Variants in EVC2 observed in about 807,000 individuals in gnomAD.
EVC2 encodes limbin.
EVC2 carries 148 observed loss-of-function variants against 149.3 expected under a neutral mutation model. That is an observed-to-expected ratio of 0.99 (90% CI 0.87 to 1.14). The LOEUF (loss-of-function observed/expected upper bound fraction) is 1.14, where lower values mean the gene tolerates loss of function less well. Among genes scored for constraint, EVC2 ranks in the 50% most tolerant of loss-of-function variants. The probability of loss-of-function intolerance (pLI) is 0.00; values close to 1 mark genes in which losing one functional copy is unlikely to be tolerated. For missense variants in EVC2, 1,854 were observed against 1,627.3 expected (o/e 1.14, Z -2.40); for synonymous variants, 776 against 649.9 (o/e 1.19, Z -2.95).
chr4:5,691,169 T>A, intron 4 of EVC2, 96 bp downstream of exon 4: 5 of 1,114,152 alleles, frequency 4.5e-6, no homozygotes, highest in East Asian at 4.7e-5. Flanking sequence ...GGTAAGCCCA[T>A]GATTTATCAG....
At chr4:5,555,943 G>T (rs1382410142) in intron 21 of EVC2, among the ~76,000 whole-genome samples, 1 of 152,082 alleles carries the variant, frequency 6.6e-6, no homozygotes, top group Non-Finnish European at 1.5e-5. Flanking sequence ...ACTTTGGGAG[G>T]CTGAGGCAGG....
intron 12 of EVC2, among the ~76,000 whole-genome samples, chr4:5,627,433 G>A (rs1716193189): frequency 1.3e-5 from 2 of 152,144 alleles, no homozygotes; most frequent in Admixed American, 6.5e-5. Flanking sequence ...AAATTCATTA[G>A]CATATTTAGG....
chr4:5,606,953 A>AG (rs1714440496), intron 16 of EVC2, among the ~76,000 whole-genome samples: 1 of 152,226 alleles, frequency 6.6e-6, no homozygotes, highest in Non-Finnish European at 1.5e-5. Flanking sequence ...CAGACTCTGG[A>AG]GCCAGCAGTC....
At chr4:5,584,328 T>G (rs1180582069) in intron 17 of EVC2, among the ~76,000 whole-genome samples, 1 of 152,176 alleles carries the variant, frequency 6.6e-6, no homozygotes. Flanking sequence ...GAAGATACAC[T>G]GTTGTCCTCC....
chr4:5,621,644 G>A (rs1715697400), intron 14 of EVC2, among the ~76,000 whole-genome samples: 2 of 152,186 alleles, frequency 1.3e-5, no homozygotes, highest in South Asian at 2.1e-4. Context: ...ACAAAGAGCT[G>A]GCAAATGTTT....
At chr4:5,668,220 AT>A (rs780297093) in intron 7 of EVC2, among the ~76,000 whole-genome samples, 1 of 152,148 alleles carries the variant, frequency 6.6e-6, no homozygotes, top group African/African-American at 2.4e-5. Context: ...TCAAGGTTAC[AT>A]TTTTTCTGAC....
chr4:5,560,032 G>C (rs949559311), downstream of EVC2, among the ~76,000 whole-genome samples: 6 of 151,896 alleles, frequency 4.0e-5, no homozygotes, highest in South Asian at 1.2e-3. The surrounding 1 kb of genome is among the most constrained non-coding windows in gnomAD (Gnocchi z 4.1). Flanking sequence ...CAGGATTTTC[G>C]TATGTGCGTC....
At chr4:5,545,502 A>G (rs1032812287) in intron 21 of EVC2, among the ~76,000 whole-genome samples, 4 of 152,200 alleles carry the variant, frequency 2.6e-5, no homozygotes, top group African/African-American at 9.7e-5. Flanking sequence ...ATTACTCAAA[A>G]CACAGAGTTA....
At chr4:5,566,688 C>T (rs1005347203) in intron 20 of EVC2, among the ~76,000 whole-genome samples, 46 of 152,280 alleles carry the variant, frequency 3.0e-4, no homozygotes, top group African/African-American at 1.1e-3. Context: ...CAAAGAAAGG[C>T]CATGCTCATG....
Position 5,641,000 on chromosome 4 carries a change from G to A in EVC2, c.1146-162C>T, listed in dbSNP as rs932121119. On this transcript the variant is annotated intron_variant, in intron 9 of 21. Coordinates refer to ENST00000344408, the MANE Select transcript of EVC2 (RefSeq NM_147127.5). The surrounding 1 kb of genome is among the most constrained non-coding windows in gnomAD (Gnocchi z 4.6). ...ACTTCTGCTTCATCCAGTTATTGAA[G>A]GCCATTAGCTGACTCTTACTTAGTA... Among the ~76,000 whole-genome samples, 1 of 152,024 alleles carries A rather than the reference G, an allele frequency of 6.6e-6. No individual in the cohort carries two copies. Among genetic ancestry groups the A allele is most frequent in the Non-Finnish European group, 1.5e-5 (1 of 68,026 alleles).
At chr4:5,665,786 T>A in intron 7 of EVC2, 137 bp from the exon 8 acceptor site, 1 of 1,387,834 alleles carries the variant, frequency 7.2e-7, no homozygotes, top group Non-Finnish European at 1.0e-6. Flanking sequence ...CTCTGCCAGC[T>A]ACCAGCTGGC....
intron 16 of EVC2, among the ~76,000 whole-genome samples, chr4:5,593,103 G>A (rs1022821719): frequency 6.6e-6 from 1 of 152,108 alleles, no homozygotes; most frequent in African/African-American, 2.4e-5. Flanking sequence ...TGCCATGATT[G>A]TAAGTTTCTT....
chr4:5,592,250 G>C (rs1414631352), intron 16 of EVC2, among the ~76,000 whole-genome samples: 1 of 152,172 alleles, frequency 6.6e-6, no homozygotes, highest in Non-Finnish European at 1.5e-5. Flanking sequence ...GATAAGAGGG[G>C]CTTCCTACAG....
At position 5,677,182 on chromosome 4, in the gene EVC2, C is replaced by G. The variant is rs1024405388; in HGVS notation, c.870+4078G>C. On this transcript the variant is annotated intron_variant, in intron 7 of 21. Transcript: ENST00000344408. The surrounding 1 kb of genome is among the most constrained non-coding windows in gnomAD (Gnocchi z 4.3). ...TTTACAGCCCTTGATCCATTTACCT[C>G]AACAACCATCCTATGAAGTGAACGT... is the stretch of plus-strand genomic sequence containing the variant. Among the ~76,000 whole-genome samples the G allele has an allele frequency of 6.6e-6, 1 of 152,186 alleles. No homozygotes were observed. The highest frequency in any genetic ancestry group is 2.4e-5 in the African/African-American group (1 of 41,444).
chr4:5,593,989 G>C (rs191743154), intron 16 of EVC2, among the ~76,000 whole-genome samples: 171 of 152,322 alleles, frequency 1.1e-3, no homozygotes, highest in African/African-American at 3.8e-3. Context: ...GTCTGACATT[G>C]AACTGCAAGG....
intron 7 of EVC2, among the ~76,000 whole-genome samples, chr4:5,668,732 T>A (rs1719438986): frequency 6.6e-6 from 1 of 152,206 alleles, no homozygotes; most frequent in Non-Finnish European, 1.5e-5. Flanking sequence ...TTTTTTCATC[T>A]TCGAGAAGAG....
chr4:5,623,493 C>G lies in EVC2; in HGVS notation c.2047-502G>C, dbSNP rs987357469. 2.0e-5 allele frequency among the ~76,000 whole-genome samples: 3 copies of G among 152,036 alleles called. No individual in the cohort carries two copies. In the East Asian group the frequency reaches 5.8e-4, roughly 29 times the overall value. On this transcript the variant is annotated intron_variant, in intron 13 of 21. Coordinates refer to ENST00000344408, the MANE Select transcript of EVC2 (RefSeq NM_147127.5). ...TAGCTGGGATTACAGGTGTGTACCACCACACCCAGATAATTTTTGTATTTT... is the reference window on the plus strand; with the variant it reads ...TAGCTGGGATTACAGGTGTGTACCAGCACACCCAGATAATTTTTGTATTTT...
chr4:5,593,635 T>G (rs911280976), intron 16 of EVC2, among the ~76,000 whole-genome samples: 7 of 152,148 alleles, frequency 4.6e-5, no homozygotes, highest in African/African-American at 1.4e-4. Flanking sequence ...GCTCCCAGCG[T>G]GAGCGACGCA....
intron 16 of EVC2, among the ~76,000 whole-genome samples, chr4:5,587,866 CA>C (rs1394400661): frequency 1.3e-5 from 2 of 152,128 alleles, no homozygotes; most frequent in African/African-American, 4.8e-5. Flanking sequence ...CCAATTAGAT[CA>C]GGGGTCAATC....
Sources: gnomAD v4.1 joint callset for allele counts (sites outside exome capture counted in the v4.1 genomes callset) on GRCh38, gnomAD v4.1.1 for gene constraint, Gnocchi (gnomAD v3.1) non-coding constraint, MANE v1.5 for transcripts, NCBI Gene and HGNC (gene_info 2026-07-23, HGNC 2026-07-21) for gene names.